HIVEP1: variants seen among roughly 807,000 people sequenced by gnomAD.
The protein encoded by HIVEP1 is zinc finger protein 40.
A neutral mutation model predicts 180.0 loss-of-function variants in HIVEP1; 36 were observed. That is an observed-to-expected ratio of 0.20 (90% CI 0.15 to 0.26). HIVEP1 has a LOEUF of 0.26. Ranked by LOEUF, HIVEP1 falls within the 10% of genes least tolerant of loss-of-function variation. The pLI, the probability that HIVEP1 is intolerant of heterozygous loss-of-function variation, is 1.00. For synonymous variants in HIVEP1, 1,239 were observed against 1,239.0 expected, an observed-to-expected ratio of 1.00 and a Z score of 0.00; for missense variants, 3,143 against 3,268.7, an observed-to-expected ratio of 0.96 and a Z score of 0.94.
At position 12,093,190 on chromosome 6, in the gene HIVEP1, T is replaced by G. The variant is rs1038274022; in HGVS notation, c.94+3953T>G. Reference sequence around the variant, plus strand: ...TTAATAATGTCAAACATGTCTTCATTTGTATTCCCCCTTACTGAAATGCTT... The same window carrying G: ...TTAATAATGTCAAACATGTCTTCATGTGTATTCCCCCTTACTGAAATGCTT... On this transcript the variant is annotated intron_variant, in intron 3 of 8. Transcript: ENST00000379388. Among the ~76,000 whole-genome samples, 48 of 152,162 alleles carry G rather than the reference T, an allele frequency of 3.2e-4. 1 individual carries two copies. Among genetic ancestry groups the G allele is most frequent in the Non-Finnish European group, 5.9e-5 (4 of 68,026 alleles).
intron 2 of HIVEP1, among the ~76,000 whole-genome samples, chr6:12,051,480 T>C (rs1770535630): frequency 6.6e-6 from 1 of 152,160 alleles, no homozygotes; most frequent in Non-Finnish European, 1.5e-5. Context: ...TAAGTAACCA[T>C]TTAAGAATAT....
intron 7 of HIVEP1, among the ~76,000 whole-genome samples, chr6:12,153,480 C>G (rs1759825598): frequency 6.9e-6 from 1 of 143,896 alleles, no homozygotes; most frequent in Non-Finnish European, 1.5e-5. Context: ...TTGGTTTGTA[C>G]AGAATGATGC....
intron 3 of HIVEP1, among the ~76,000 whole-genome samples, chr6:12,096,009 A>G (rs974431074): frequency 6.6e-6 from 1 of 151,966 alleles, no homozygotes; most frequent in African/African-American, 2.4e-5. Context: ...ATGGCCATAG[A>G]GAAAGGTAGA....
intron 2 of HIVEP1, among the ~76,000 whole-genome samples, chr6:12,084,086 A>C (rs2113299089): frequency 1.3e-5 from 2 of 152,246 alleles, no homozygotes; most frequent in South Asian, 4.1e-4. Flanking sequence ...TTCCAGGCCC[A>C]GTGAGTTTTT....
At chr6:12,046,512 G>A (rs1184387889) in intron 2 of HIVEP1, among the ~76,000 whole-genome samples, 2 of 152,148 alleles carry the variant, frequency 1.3e-5, no homozygotes, top group Non-Finnish European at 2.9e-5. Flanking sequence ...CAGGTGCGGT[G>A]GCTCACGCCT....
chr6:12,117,092 A>C (rs1313214995), intron 3 of HIVEP1, among the ~76,000 whole-genome samples: 1 of 152,226 alleles, frequency 6.6e-6, no homozygotes, highest in Non-Finnish European at 1.5e-5. Context: ...GAGAAAACAA[A>C]AGGTAAAAAC....
intron 2 of HIVEP1, among the ~76,000 whole-genome samples, chr6:12,019,794 T>A (rs551837422): frequency 6.6e-6 from 1 of 152,236 alleles, no homozygotes; most frequent in Non-Finnish European, 1.5e-5. Context: ...GGGACAGATA[T>A]ATCCCTACGG....
intron 3 of HIVEP1, among the ~76,000 whole-genome samples, chr6:12,094,241 A>G (rs764547116): frequency 7.9e-5 from 12 of 151,920 alleles, no homozygotes; most frequent in Non-Finnish European, 1.2e-4. Context: ...CATTATGAAA[A>G]TTGTCTGCTG....
the HIVEP1 span, among the ~76,000 whole-genome samples, chr6:12,188,173 G>A: frequency 1.3e-5 from 2 of 152,114 alleles, no homozygotes; most frequent in African/African-American, 4.8e-5. Flanking sequence ...TCAAACCAAA[G>A]TGCATCTTTA....
chr6:12,165,368 G>A (rs1760673882), downstream of HIVEP1, among the ~76,000 whole-genome samples: 1 of 152,128 alleles, frequency 6.6e-6, no homozygotes, highest in Non-Finnish European at 1.5e-5. Context: ...GATGAGACCC[G>A]TATAACCTCA....
At chr6:12,108,329 A>G (rs1774604790) in intron 3 of HIVEP1, among the ~76,000 whole-genome samples, 3 of 152,242 alleles carry the variant, frequency 2.0e-5, no homozygotes, top group Non-Finnish European at 4.4e-5. Context: ...GGCTTCACCC[A>G]GTAGATCCTG....
intron 8 of HIVEP1, among the ~76,000 whole-genome samples, chr6:12,162,657 G>A (rs2113691778): frequency 6.6e-6 from 1 of 152,292 alleles, no homozygotes; most frequent in Admixed American, 6.5e-5. Context: ...ATTGCAATAG[G>A]ATTTATGCCT....
chr6:12,096,826 A>G (rs149427623), intron 3 of HIVEP1, among the ~76,000 whole-genome samples: 1 of 152,054 alleles, frequency 6.6e-6, no homozygotes, highest in Non-Finnish European at 1.5e-5. Flanking sequence ...TAATACTGAA[A>G]TTTAGGTAGT....
downstream of HIVEP1, among the ~76,000 whole-genome samples, chr6:12,167,641 A>ATGTATC (rs1448069424): frequency 1.8e-5 from 1 of 55,276 alleles, no homozygotes; most frequent in Non-Finnish European, 3.6e-5. Context: ...TTATATATAC[A>ATGTATC]TATACATATA....
chr6:12,110,396 T>C (rs1347973403), intron 3 of HIVEP1, among the ~76,000 whole-genome samples: 2 of 152,264 alleles, frequency 1.3e-5, no homozygotes, highest in Non-Finnish European at 2.9e-5. Context: ...GAAAATCTGT[T>C]GTTTTCTGTA....
In HIVEP1 at chr6:12,164,264, C is replaced by G. The variant is rs774502560; in HGVS notation, c.7960C>G (p.Gln2654Glu). 11 of 1,613,978 alleles carry G rather than the reference C, an allele frequency of 6.8e-6. No individual in the cohort carries two copies. The African/African-American group carries it at 1.3e-4, about 20-fold the overall frequency. The change falls in exon 9 of 9, where the codon CAG becomes GAG. Residue 2654 changes from glutamine to glutamate, a missense_variant. Gln to Glu is a conservative substitution (Grantham distance 29, BLOSUM62 2). Coordinates refer to ENST00000379388, the MANE Select transcript of HIVEP1 (RefSeq NM_002114.4). ...VKPKPELTSI[Q>E]GQPASTSQPL... ...GCCCAAGCCTGAACTCACTTCCATA[C>G]AGGGCCAACCAGCGTCCACGTCACA...
At chr6:12,071,946 G>A (rs1267857349) in intron 2 of HIVEP1, among the ~76,000 whole-genome samples, 1 of 152,160 alleles carries the variant, frequency 6.6e-6, no homozygotes, top group Non-Finnish European at 1.5e-5. Context: ...TAAAGAAAAA[G>A]ATATAGTCTT....
intron 2 of HIVEP1, among the ~76,000 whole-genome samples, chr6:12,064,205 G>A (rs1003743437): frequency 3.3e-5 from 5 of 151,906 alleles, no homozygotes; most frequent in East Asian, 1.9e-4. Context: ...TGAAGTTTAC[G>A]GATTTCTGGA....
chr6:12,039,755 A>G (rs139825112), intron 2 of HIVEP1, among the ~76,000 whole-genome samples: 11 of 152,288 alleles, frequency 7.2e-5, no homozygotes, highest in Admixed American at 4.6e-4. Context: ...ATAACCCCCA[A>G]CACAGGTGGA....
Sources: gnomAD v4.1 joint callset for allele counts (sites outside exome capture counted in the v4.1 genomes callset) on GRCh38, gnomAD v4.1.1 for gene constraint, MANE v1.5 for transcripts, NCBI Gene and HGNC (gene_info 2026-07-23, HGNC 2026-07-21) for gene names.